The following PCSK2 variants were observed in gnomAD, a reference collection of about 807,000 sequenced individuals.
The protein encoded by PCSK2 is proprotein convertase subtilisin/kexin type 2.
A neutral mutation model predicts 69.7 loss-of-function variants in PCSK2; 14 were observed. The observed-to-expected ratio is 0.20, with a 90% CI of 0.13 to 0.31. The LOEUF (loss-of-function observed/expected upper bound fraction) is 0.31, where lower values mean the gene tolerates loss of function less well. PCSK2 is among the 10% of genes least tolerant of loss of function. The pLI is 1.00. For missense variants in PCSK2, 544 were observed against 842.5 expected (o/e 0.65, Z 4.39); for synonymous variants, 307 against 320.7 (o/e 0.96, Z 0.46).
chr20:17,372,768 T>C (rs773655995), intron 5 of PCSK2, among the ~76,000 whole-genome samples: 4 of 152,174 alleles, frequency 2.6e-5, no homozygotes, highest in Non-Finnish European at 5.9e-5. Flanking sequence ...TCGTGCTTGA[T>C]TCCTCAGCAG....
At chr20:17,420,199 G>GA (rs1186866097) in intron 6 of PCSK2, among the ~76,000 whole-genome samples, 11 of 152,226 alleles carry the variant, frequency 7.2e-5, no homozygotes, top group Non-Finnish European at 2.9e-5. Context: ...AAAAGTGTGA[G>GA]AAAAAAGGCC....
chr20:17,462,399 GC>G (rs1169277098), intron 10 of PCSK2, among the ~76,000 whole-genome samples: 1 of 152,048 alleles, frequency 6.6e-6, no homozygotes, highest in Non-Finnish European at 1.5e-5. Flanking sequence ...AAATTCTCAG[GC>G]CCACAATCTC....
At chr20:17,234,049 CT>C (rs1463433198) in intron 1 of PCSK2, among the ~76,000 whole-genome samples, 1 of 152,226 alleles carries the variant, frequency 6.6e-6, no homozygotes, top group African/African-American at 2.4e-5. Flanking sequence ...GAGAAATAAA[CT>C]GCTATTACAT....
At chr20:17,377,097 C>T (rs550095339) in intron 5 of PCSK2, among the ~76,000 whole-genome samples, 2 of 152,266 alleles carry the variant, frequency 1.3e-5, no homozygotes, top group African/African-American at 4.8e-5. Flanking sequence ...GAATACGATT[C>T]GAGAGGTGAA....
chr20:17,424,444 G>A (rs139125174), intron 6 of PCSK2, among the ~76,000 whole-genome samples: 44 of 152,278 alleles, frequency 2.9e-4, no homozygotes, highest in African/African-American at 8.4e-4. Flanking sequence ...ATCAGAGAGG[G>A]CCTCAAATTG....
intron 2 of PCSK2, among the ~76,000 whole-genome samples, chr20:17,295,406 C>T (rs537319234): frequency 1.3e-5 from 2 of 151,964 alleles, no homozygotes; most frequent in Non-Finnish European, 2.9e-5. Flanking sequence ...GTTCTTTACG[C>T]TCAGCTGGGT....
At chr20:17,463,415 C>T (rs952274975) in intron 10 of PCSK2, 1 of 152,226 alleles carries the variant, frequency 6.6e-6, no homozygotes, top group African/African-American at 2.4e-5. Flanking sequence ...TTTTACACCA[C>T]TTACATCATT....
chr20:17,355,647 G>A (rs372747682), intron 2 of PCSK2, among the ~76,000 whole-genome samples: 13 of 46,980 alleles, frequency 2.8e-4, no homozygotes, highest in East Asian at 2.7e-3. Flanking sequence ...ATGTGTGCAC[G>A]CAAACACACA....
At chr20:17,279,323 C>T (rs1339564212) in intron 2 of PCSK2, among the ~76,000 whole-genome samples, 1 of 152,122 alleles carries the variant, frequency 6.6e-6, no homozygotes, top group Non-Finnish European at 1.5e-5. Context: ...TACAATGGTG[C>T]CATTGGGAGG....
intron 11 of PCSK2, chr20:17,479,300 G>T: frequency 2.3e-6 from 2 of 857,062 alleles, no homozygotes; most frequent in Non-Finnish European, 4.0e-6. Flanking sequence ...CTATGCTTGC[G>T]GTCCACTGGT....
intron 8 of PCSK2, among the ~76,000 whole-genome samples, chr20:17,441,685 G>A (rs905878867): frequency 2.0e-5 from 3 of 152,038 alleles, no homozygotes; most frequent in Admixed American, 6.6e-5. Flanking sequence ...GAGATCTCAT[G>A]AGATCTCATA....
At chr20:17,281,517 A>G (rs1268675409) in intron 2 of PCSK2, among the ~76,000 whole-genome samples, 3 of 152,190 alleles carry the variant, frequency 2.0e-5, no homozygotes, top group Admixed American at 2.0e-4. Context: ...TCACTCAGCT[A>G]TTGTATCAGT....
chr20:17,401,395 G>A (rs891825352), intron 5 of PCSK2, among the ~76,000 whole-genome samples: 2 of 152,106 alleles, frequency 1.3e-5, no homozygotes, highest in Non-Finnish European at 2.9e-5. Flanking sequence ...TAGTGGAAAT[G>A]TTAAACAGGC....
intron 2 of PCSK2, among the ~76,000 whole-genome samples, chr20:17,275,044 G>A (rs1988010451): frequency 6.8e-6 from 1 of 147,712 alleles, no homozygotes. Flanking sequence ...ATAATCATTA[G>A]GAGTTGTTAT....
chr20:17,297,810 G>C (rs1988947394), intron 2 of PCSK2, among the ~76,000 whole-genome samples: 1 of 152,056 alleles, frequency 6.6e-6, no homozygotes, highest in Non-Finnish European at 1.5e-5. Flanking sequence ...ATACACCTTT[G>C]CTCATTCCTT....
chr20:17,334,880 C>T (rs1193854968), intron 2 of PCSK2, among the ~76,000 whole-genome samples: 7 of 152,188 alleles, frequency 4.6e-5, no homozygotes, highest in Non-Finnish European at 8.8e-5. Context: ...TTAACTGGCT[C>T]TTTACAAACG....
At chr20:17,419,777 C>G (rs1020202052) in intron 6 of PCSK2, among the ~76,000 whole-genome samples, 3 of 152,166 alleles carry the variant, frequency 2.0e-5, no homozygotes, top group African/African-American at 7.2e-5. Context: ...GATCTGTATT[C>G]CATTACTGTG....
At chr20:17,337,827 G>C (rs1990398180) in intron 2 of PCSK2, among the ~76,000 whole-genome samples, 1 of 151,526 alleles carries the variant, frequency 6.6e-6, no homozygotes, top group East Asian at 1.9e-4. Context: ...TACTCAGGAG[G>C]CTGAGGCAGG....
chr20:17,430,716 C>G (rs1245160200), intron 7 of PCSK2, among the ~76,000 whole-genome samples: 1 of 152,118 alleles, frequency 6.6e-6, no homozygotes, highest in Non-Finnish European at 1.5e-5. Context: ...GAATATCACT[C>G]GGTTAATATT....
Sources: allele counts gnomAD v4.1 joint callset (sites outside exome capture counted in the v4.1 genomes callset), GRCh38; gene constraint gnomAD v4.1.1; transcripts MANE v1.5; gene names NCBI Gene and HGNC (gene_info 2026-07-23, HGNC 2026-07-21).